Variants in NME5 observed in about 807,000 individuals in gnomAD.
NME5 encodes nucleoside diphosphate kinase 5.
In NME5, 18 loss-of-function variants were observed where a neutral mutation model predicts 21.6. That is an observed-to-expected ratio of 0.83 (90% CI 0.58 to 1.24). NME5 has a LOEUF of 1.24. NME5 is among the 50% of genes most tolerant of loss of function. The pLI, the probability that NME5 is intolerant of heterozygous loss-of-function variation, is 0.00. For synonymous variants in NME5, 70 were observed against 80.6 expected (o/e 0.87, Z 0.71); for missense variants, 223 against 255.4 (o/e 0.87, Z 0.86).
At chr5:138,121,324 G>T (rs1751281330) in intron 4 of NME5, among the ~76,000 whole-genome samples, 1 of 152,050 alleles carries the variant, frequency 6.6e-6, no homozygotes, top group Non-Finnish European at 1.5e-5. Context: ...AGCTACTCAG[G>T]AGGCTAAGGT....
chr5:138,128,369 T>A (rs1751481036), intron 4 of NME5, 110 bp downstream of exon 4: 1 of 833,532 alleles, frequency 1.2e-6, no homozygotes, highest in African/African-American at 1.8e-5. Context: ...CATAACAAAA[T>A]ATACTGGAAA....
chr5:138,132,701 C>G (rs1466485435), intron 2 of NME5, among the ~76,000 whole-genome samples: 2 of 152,160 alleles, frequency 1.3e-5, no homozygotes, highest in Non-Finnish European at 2.9e-5. Flanking sequence ...CCGCCCAGAG[C>G]AAGAAGTTTA....
At chr5:138,124,146 G>A (rs1751348044) in intron 4 of NME5, among the ~76,000 whole-genome samples, 1 of 151,292 alleles carries the variant, frequency 6.6e-6, no homozygotes, top group South Asian at 2.1e-4. Context: ...ATAGGCACGT[G>A]CCACCACACC....
In NME5 at chr5:138,129,383, G is replaced by A. The variant is rs1283249051; in HGVS notation, c.215C>T (p.Ala72Val). 1 of 1,613,720 alleles carries A rather than the reference G, an allele frequency of 6.2e-7. No homozygotes were observed. Among genetic ancestry groups the A allele is most frequent in the Non-Finnish European group, 8.5e-7 (1 of 1,179,800 alleles). ...YGKMFFPNLT[A>V]YMSSGPLVAM... The stretch of plus-strand genomic sequence containing the variant: ...GACAAGTGGTCCAGAACTCATGTAA[G>A]CTGTTAAGTTGGGGAAAAACATTTT... The change falls in exon 3 of 6, where the codon GCT becomes GTT. Residue 72 changes from alanine to valine, a missense_variant. Ala to Val is a moderately conservative substitution (Grantham distance 64). Coordinates refer to ENST00000265191, the MANE Select transcript of NME5 (RefSeq NM_003551.3).
chr5:138,127,232 A>G (rs1751446447), intron 4 of NME5, among the ~76,000 whole-genome samples: 1 of 152,222 alleles, frequency 6.6e-6, no homozygotes, highest in South Asian at 2.1e-4. Context: ...CCAGTGGAGA[A>G]AAGTTGTCAG....
At chr5:138,138,403 G>C in intron 2 of NME5, 1 of 372,042 alleles carries the variant, frequency 2.7e-6, no homozygotes, top group Non-Finnish European at 4.8e-6. Context: ...AGAACAGAAA[G>C]TGTTAAGTGG....
At chr5:138,138,461 A>T (rs1751768462) in intron 2 of NME5, 191 bp downstream of exon 2, 1 of 500,518 alleles carries the variant, frequency 2.0e-6, no homozygotes, top group Non-Finnish European at 3.4e-6. Flanking sequence ...GGACAGGTGA[A>T]GGAAAAGTCC....
At chr5:138,131,204 T>TAAAAAAAA (rs762579967) in intron 2 of NME5, among the ~76,000 whole-genome samples, 1 of 80,878 alleles carries the variant, frequency 1.2e-5, no homozygotes, top group African/African-American at 6.2e-5. Context: ...CCGTCTCTGC[T>TAAAAAAAA]AAAAAAAAAA....
chr5:138,121,930 C>A (rs1751293190), intron 4 of NME5, among the ~76,000 whole-genome samples: 1 of 152,052 alleles, frequency 6.6e-6, no homozygotes, highest in Admixed American at 6.6e-5. Flanking sequence ...TAGACTGAAG[C>A]AATCCTTCTG....
At chr5:138,123,627 A>C (rs1751334941) in intron 4 of NME5, among the ~76,000 whole-genome samples, 1 of 152,180 alleles carries the variant, frequency 6.6e-6, no homozygotes. Flanking sequence ...ATGGACACTT[A>C]GGTTGATTCC....
chr5:138,132,313 G>A (rs1408716619), intron 2 of NME5, among the ~76,000 whole-genome samples: 1 of 152,040 alleles, frequency 6.6e-6, no homozygotes, highest in African/African-American at 2.4e-5. Flanking sequence ...TCATGCCATT[G>A]CACTCCAGCC....
chr5:138,130,625 CTAA>C (rs1393535331), intron 2 of NME5, among the ~76,000 whole-genome samples: 1 of 152,010 alleles, frequency 6.6e-6, no homozygotes, highest in Non-Finnish European at 1.5e-5. Context: ...CCCATCTCTA[CTAA>C]AAATACAAAA....
At chr5:138,138,340 C>G (rs1352458584) in intron 2 of NME5, 1 of 263,592 alleles carries the variant, frequency 3.8e-6, no homozygotes, top group Non-Finnish European at 7.2e-6. Flanking sequence ...GGGAAAGGGA[C>G]TGTTCTGTTT....
intron 2 of NME5, chr5:138,138,424 C>G (rs1450929073): frequency 4.9e-6 from 2 of 411,710 alleles, no homozygotes; most frequent in Non-Finnish European, 8.6e-6. Flanking sequence ...TTGCCTCTCT[C>G]TGGAGCCTGG....
intron 2 of NME5, among the ~76,000 whole-genome samples, chr5:138,131,052 G>A (rs1307399772): frequency 1.3e-5 from 2 of 151,336 alleles, no homozygotes; most frequent in African/African-American, 4.9e-5. Flanking sequence ...CCAACATGGT[G>A]AAACCCCATC....
At chr5:138,116,679 T>A (rs1327630531) in intron 5 of NME5, 1 of 152,976 alleles carries the variant, frequency 6.5e-6, no homozygotes, top group African/African-American at 2.4e-5. Flanking sequence ...TTTCATATTT[T>A]AAAAAAAGAA....
chr5:138,135,943 A>C lies in NME5; in HGVS notation c.129+2709T>G, dbSNP rs371059633. On this transcript the variant is annotated intron_variant, in intron 2 of 5. Coordinates refer to ENST00000265191, the MANE Select transcript of NME5 (RefSeq NM_003551.3). The stretch of plus-strand genomic sequence containing the variant: ...CACATGATTTTGTGTTTTTTTTGCT[A>C]TTTTGTTCTTTTTGCTACACACTTT... Among the ~76,000 whole-genome samples the C allele has an allele frequency of 4.6e-5, 7 of 151,958 alleles. No homozygotes were observed. The East Asian group carries it at 7.7e-4, about 17-fold the overall frequency.
chr5:138,117,718 C>G (rs1338223524), intron 5 of NME5, among the ~76,000 whole-genome samples: 1 of 151,932 alleles, frequency 6.6e-6, no homozygotes, highest in Admixed American at 6.6e-5. Flanking sequence ...CGCGGTGGCT[C>G]ACACCTGCAA....
chr5:138,139,275 AG>A, intron 1 of NME5, 95 bp downstream of exon 1: 1 of 739,572 alleles, frequency 1.4e-6, no homozygotes, highest in Non-Finnish European at 1.7e-6. Flanking sequence ...CTCTGTGCAT[AG>A]GGTCAGGCTA....
Sources: gnomAD v4.1 joint callset for allele counts (sites outside exome capture counted in the v4.1 genomes callset) on GRCh38, gnomAD v4.1.1 for gene constraint, MANE v1.5 for transcripts, NCBI Gene and HGNC (gene_info 2026-07-23, HGNC 2026-07-21) for gene names.